The following ACTR3B variants were observed in gnomAD, a reference collection of about 807,000 sequenced individuals.
ACTR3B encodes actin-related protein 3B.
In ACTR3B, 8 loss-of-function variants were observed where a neutral mutation model predicts 59.0. That is an observed-to-expected ratio of 0.14 (90% CI 0.08 to 0.24). ACTR3B has a LOEUF of 0.24. Among genes scored for constraint, ACTR3B ranks in the 10% least tolerant of loss-of-function variants. ACTR3B has a pLI of 1.00. For synonymous variants in ACTR3B, 148 were observed against 197.9 expected, an observed-to-expected ratio of 0.75 and a Z score of 2.12; for missense variants, 245 against 552.3, an observed-to-expected ratio of 0.44 and a Z score of 5.58.
At chr7:152,769,907 AATT>A (rs1409014369) in intron 1 of ACTR3B, among the ~76,000 whole-genome samples, 2 of 151,958 alleles carry the variant, frequency 1.3e-5, no homozygotes, top group African/African-American at 2.4e-5. Flanking sequence ...TAATTAAAAA[AATT>A]ATTAGTAGTC....
At chr7:152,768,344 A>G (rs1385593681) in intron 1 of ACTR3B, among the ~76,000 whole-genome samples, 1 of 152,186 alleles carries the variant, frequency 6.6e-6, no homozygotes, top group African/African-American at 2.4e-5. Context: ...CTCCAAAGCA[A>G]TGTTAATTTA....
chr7:152,797,424 G>A (rs1459898994), intron 2 of ACTR3B, among the ~76,000 whole-genome samples: 2 of 152,148 alleles, frequency 1.3e-5, no homozygotes, highest in Non-Finnish European at 2.9e-5. Flanking sequence ...ATAACATTGT[G>A]TGTTTTTATC....
At chr7:152,849,427 A>ATC (rs1488287755) in intron 9 of ACTR3B, among the ~76,000 whole-genome samples, 2 of 152,178 alleles carry the variant, frequency 1.3e-5, no homozygotes, top group Non-Finnish European at 2.9e-5. Flanking sequence ...CCAAGCCCAG[A>ATC]TCCTCCCTTA....
At chr7:152,850,052 T>C (rs1410273714) in intron 9 of ACTR3B, among the ~76,000 whole-genome samples, 1 of 149,478 alleles carries the variant, frequency 6.7e-6, no homozygotes, top group East Asian at 2.0e-4. Flanking sequence ...GGCCAGCTTC[T>C]CCAGGTAGAA....
chr7:152,830,192 C>A (rs1047808082), intron 9 of ACTR3B, among the ~76,000 whole-genome samples: 13 of 152,094 alleles, frequency 8.5e-5, no homozygotes, highest in Admixed American at 2.6e-4. Flanking sequence ...GTGGACAGGC[C>A]AGGTGGAGGG....
chr7:152,774,233 T>G (rs1471776932), intron 1 of ACTR3B, among the ~76,000 whole-genome samples: 3 of 152,170 alleles, frequency 2.0e-5, no homozygotes, highest in African/African-American at 7.2e-5. Flanking sequence ...GCCTCCTGGG[T>G]TCAAGCGATT....
intron 2 of ACTR3B, among the ~76,000 whole-genome samples, chr7:152,799,970 A>G (rs1222501287): frequency 2.0e-5 from 3 of 152,224 alleles, no homozygotes; most frequent in East Asian, 1.9e-4. Context: ...TTTATGTAAT[A>G]GTTATTTGAT....
At chr7:152,772,332 A>C (rs1345299431) in intron 1 of ACTR3B, among the ~76,000 whole-genome samples, 1 of 146,606 alleles carries the variant, frequency 6.8e-6, no homozygotes, top group African/African-American at 2.5e-5. Context: ...CAGCCTGGGG[A>C]ACATAGCAAG....
chr7:152,831,892 A>G (rs1363402935), intron 9 of ACTR3B, among the ~76,000 whole-genome samples: 4 of 152,196 alleles, frequency 2.6e-5, no homozygotes, highest in South Asian at 2.1e-4. Context: ...AAAGACAGGC[A>G]TATCCACCTG....
chr7:152,847,812 C>G (rs1434778215), intron 9 of ACTR3B, among the ~76,000 whole-genome samples: 2 of 152,180 alleles, frequency 1.3e-5, no homozygotes, highest in Non-Finnish European at 2.9e-5. Context: ...CCAGCTTTTT[C>G]TGACACTGAG....
At position 152,838,432 on chromosome 7, in the gene ACTR3B, G is replaced by A. The variant is rs1472801477; in HGVS notation, c.951+13310G>A. ...CCATCATTCTCAGCAAACTATCACA[G>A]GAACAGAAAACCAAACACTGCATGT... On this transcript the variant is annotated intron_variant, in intron 9 of 11. Coordinates refer to ENST00000256001, the MANE Select transcript of ACTR3B (RefSeq NM_020445.6). Among the ~76,000 whole-genome samples the A allele has an allele frequency of 3.9e-5, 6 of 152,342 alleles. No individual in the cohort carries two copies. The East Asian group carries it at 1.2e-3, about 29-fold the overall frequency.
In ACTR3B at chr7:152,824,940, A is replaced by G. The variant is rs1351189870; in HGVS notation, c.859-90A>G. On this transcript the variant is annotated intron_variant, in intron 8 of 11. Transcript: ENST00000256001. This position sits in a 1 kb window ranked among gnomAD's most constrained non-coding sequence, Gnocchi z 4.2. ...ATTCTTTTAAGTTATAATAAATTGT[A>G]TATTTGTTAAAGTTACTTTAAAGAA... 5 of 1,316,994 alleles carry G rather than the reference A, an allele frequency of 3.8e-6. No homozygotes were observed. In the African/African-American group the frequency reaches 6.0e-5, roughly 16 times the overall value. 81.6% of individuals were successfully genotyped at this position (1,316,994 alleles called of 1,614,324 possible).
intron 1 of ACTR3B, among the ~76,000 whole-genome samples, chr7:152,762,548 C>T (rs2098092948): frequency 6.6e-6 from 1 of 152,180 alleles, no homozygotes; most frequent in Non-Finnish European, 1.5e-5. Context: ...TATCAAAATA[C>T]TTGAATGCGT....
chr7:152,818,607 T>C (rs1795900882), intron 6 of ACTR3B, among the ~76,000 whole-genome samples: 1 of 152,186 alleles, frequency 6.6e-6, no homozygotes, highest in Non-Finnish European at 1.5e-5. Context: ...TGCGCCACCA[T>C]GCCTGACTAA....
At chr7:152,809,550 G>GT (rs1321630045) in intron 4 of ACTR3B, among the ~76,000 whole-genome samples, 20 of 146,078 alleles carry the variant, frequency 1.4e-4, no homozygotes, top group East Asian at 2.0e-4. Context: ...TTTTTTTTTT[G>GT]TTTTTTTTTG....
In ACTR3B at chr7:152,851,997, C is replaced by T. The variant is rs541480453; in HGVS notation, c.952-129C>T. 449 of 1,283,076 alleles carry T rather than the reference C, an allele frequency of 3.5e-4. 3 individuals are homozygous for T. The African/African-American group carries it at 5.7e-3, about 16-fold the overall frequency. 79.5% of individuals were successfully genotyped at this position (1,283,076 alleles called of 1,614,324 possible). On this transcript the variant is annotated intron_variant, in intron 9 of 11. Coordinates refer to ENST00000256001, the MANE Select transcript of ACTR3B (RefSeq NM_020445.6). ...CAATAGCATTAAGTTTGCTTTTGTT[C>T]GCATCTTTCATAGGGCCGATGTGTC...
chr7:152,767,032 C>T (rs1461177866), intron 1 of ACTR3B, among the ~76,000 whole-genome samples: 1 of 151,368 alleles, frequency 6.6e-6, no homozygotes, highest in Non-Finnish European at 1.5e-5. Context: ...AGGTGATCCA[C>T]CTGCCTCGGC....
chr7:152,829,507 AG>A (rs564640805), intron 9 of ACTR3B, among the ~76,000 whole-genome samples: 57 of 151,930 alleles, frequency 3.8e-4, no homozygotes, highest in South Asian at 2.7e-3. Flanking sequence ...GTAGATGAGA[AG>A]GGTATTTACA....
At chr7:152,799,305 CTCTAATG>C (rs1240058268) in intron 2 of ACTR3B, among the ~76,000 whole-genome samples, 1 of 152,160 alleles carries the variant, frequency 6.6e-6, no homozygotes, top group African/African-American at 2.4e-5. Context: ...GCAAATATTT[CTCTAATG>C]TCTGTTCTGA....
Sources: gnomAD v4.1 joint callset for allele counts (sites outside exome capture counted in the v4.1 genomes callset) on GRCh38, gnomAD v4.1.1 for gene constraint, Gnocchi (gnomAD v3.1) non-coding constraint, MANE v1.5 for transcripts, NCBI Gene and HGNC (gene_info 2026-07-23, HGNC 2026-07-21) for gene names.